Variants in GABRA2 observed in about 807,000 individuals in gnomAD.
GABRA2 encodes gamma-aminobutyric acid type A receptor subunit alpha2, also known as gamma-aminobutyric acid receptor subunit alpha-2.
A neutral mutation model predicts 48.7 loss-of-function variants in GABRA2; 16 were observed. The observed-to-expected ratio is 0.33, with a 90% confidence interval of 0.22 to 0.50. The LOEUF (loss-of-function observed/expected upper bound fraction) is 0.50, where lower values mean the gene tolerates loss of function less well. Among genes scored for constraint, GABRA2 ranks in the 20% least tolerant of loss-of-function variants. The pLI is 0.98. For missense variants in GABRA2, 275 were observed against 535.6 expected, an observed-to-expected ratio of 0.51 and a Z score of 4.80; for synonymous variants, 185 against 184.5, an observed-to-expected ratio of 1.00 and a Z score of -0.02.
Position 46,250,605 on chromosome 4 carries a change from C to T in GABRA2, c.1060-1G>A. On this transcript the variant is annotated splice_acceptor_variant, in intron 9 of 9. Transcript: ENST00000381620. LOFTEE classifies it high-confidence loss of function. ...TCATAACGGAAGCCTTTTCTTTTTT[C>T]TATTGAAAAATACAAAAATTAACAG... The T allele has an allele frequency of 6.3e-7, 1 of 1,580,298 alleles. No individual in the cohort carries two copies. Among genetic ancestry groups the T allele is most frequent in the Non-Finnish European group, 8.6e-7 (1 of 1,166,832 alleles).
At chr4:46,353,065 A>T (rs1243335455) in intron 3 of GABRA2, among the ~76,000 whole-genome samples, 1 of 152,164 alleles carries the variant, frequency 6.6e-6, no homozygotes, top group African/African-American at 2.4e-5. Flanking sequence ...AAGAAGTACA[A>T]GTGTGTTCAC....
At chr4:46,282,897 T>C (rs1370897227) in intron 8 of GABRA2, among the ~76,000 whole-genome samples, 1 of 152,166 alleles carries the variant, frequency 6.6e-6, no homozygotes, top group Non-Finnish European at 1.5e-5. Flanking sequence ...AACTACCTTA[T>C]AAGAAAGTTA....
At chr4:46,388,946 CT>C (rs1343151887) in intron 1 of GABRA2, 1 of 1,126,164 alleles carries the variant, frequency 8.9e-7, no homozygotes. Flanking sequence ...TTCTTTCTTT[CT>C]TTCTTTAACA....
chr4:46,376,694 C>T (rs924699007), intron 3 of GABRA2, among the ~76,000 whole-genome samples: 4 of 152,024 alleles, frequency 2.6e-5, no homozygotes, highest in Non-Finnish European at 4.4e-5. Flanking sequence ...CAAGACCAGA[C>T]ATAGTGAGAT....
In GABRA2 at chr4:46,350,188, C is replaced by T. The variant is rs560634940; in HGVS notation, c.188-17506G>A. ...TGAAATCCCATTCTCCTAATCACTA[C>T]AGTAATAAAATGCTAGTCACAAACA... On this transcript the variant is annotated intron_variant, in intron 3 of 9. Coordinates refer to ENST00000381620, the MANE Select transcript of GABRA2 (RefSeq NM_000807.4). 8.5e-4 allele frequency among the ~76,000 whole-genome samples: 129 copies of T among 151,958 alleles called. 1 individual carries two copies. Among genetic ancestry groups the T allele is most frequent in the African/African-American group, 3.1e-3 (127 of 41,512 alleles).
chr4:46,258,862 C>G (rs941626239), intron 9 of GABRA2, among the ~76,000 whole-genome samples: 3 of 151,682 alleles, frequency 2.0e-5, no homozygotes, highest in African/African-American at 7.2e-5. Context: ...TCTTCAGCTA[C>G]AAGATAGTAA....
intron 3 of GABRA2, among the ~76,000 whole-genome samples, chr4:46,345,347 G>A (rs569699033): frequency 2.0e-5 from 3 of 151,866 alleles, no homozygotes; most frequent in African/African-American, 4.8e-5. Flanking sequence ...GTGTCAGCTC[G>A]TTGTCCATAT....
chr4:46,374,475 G>A (rs574279214), intron 3 of GABRA2, among the ~76,000 whole-genome samples: 2 of 152,116 alleles, frequency 1.3e-5, no homozygotes, highest in South Asian at 2.1e-4. Flanking sequence ...TCTAAATAAC[G>A]TATTTTGTAA....
chr4:46,259,409 A>G (rs1186454005), intron 9 of GABRA2, among the ~76,000 whole-genome samples: 3 of 151,874 alleles, frequency 2.0e-5, no homozygotes, highest in African/African-American at 7.2e-5. Flanking sequence ...CCAAGCTCAC[A>G]GAGCAAGGTA....
At chr4:46,261,545 A>G (rs1716986718) in intron 9 of GABRA2, 1 of 291,982 alleles carries the variant, frequency 3.4e-6, no homozygotes, top group African/African-American at 2.1e-5. Context: ...GAGTTCAAGT[A>G]TACTTACTAA....
chr4:46,302,389 T>C (rs1196952519), intron 8 of GABRA2: 2 of 152,176 alleles, frequency 1.3e-5, no homozygotes, highest in Non-Finnish European at 2.9e-5. Flanking sequence ...CTAATATCTT[T>C]AATAATCTCA....
chr4:46,337,039 A>G (rs1219478349), intron 3 of GABRA2, among the ~76,000 whole-genome samples: 2 of 152,168 alleles, frequency 1.3e-5, no homozygotes, highest in Non-Finnish European at 2.9e-5. Context: ...AACAAAATTG[A>G]TGTTCAATTA....
In GABRA2 at chr4:46,305,613, G is replaced by A. The variant is rs374503271; in HGVS notation, c.658C>T (p.Leu220=). 4.3e-6 allele frequency: 7 copies of A among 1,613,752 alleles called. No individual in the cohort carries two copies. In the African/African-American group the frequency reaches 8.0e-5, roughly 18 times the overall value. Residue 220 remains leucine (L), a synonymous_variant, in exon 7 of 10, where the codon CTG becomes TTG. Coordinates refer to ENST00000381620, the MANE Select transcript of GABRA2 (RefSeq NM_000807.4). Reference sequence around the variant, plus strand: ...TCCTTTCCGATTGATTGGCCCAGCAGGTCATATTGATTTAACCTAGAGCCA... The same window carrying A: ...TCCTTTCCGATTGATTGGCCCAGCAAGTCATATTGATTTAACCTAGAGCCA... ...PDGSRLNQYD[L]LGQSIGKETI...
At chr4:46,276,621 G>A (rs1043828755) in intron 8 of GABRA2, among the ~76,000 whole-genome samples, 4 of 151,072 alleles carry the variant, frequency 2.6e-5, no homozygotes, top group African/African-American at 4.9e-5. Flanking sequence ...AAAAAAGAGC[G>A]TAGTTTGATG....
chr4:46,339,069 A>G (rs370679267), intron 3 of GABRA2, among the ~76,000 whole-genome samples: 2 of 152,022 alleles, frequency 1.3e-5, no homozygotes, highest in East Asian at 1.9e-4. Flanking sequence ...GAGTGAGTGA[A>G]TAAAGTTGTC....
chr4:46,344,256 T>G (rs1345824412), intron 3 of GABRA2, among the ~76,000 whole-genome samples: 1 of 151,886 alleles, frequency 6.6e-6, no homozygotes, highest in African/African-American at 2.4e-5. Flanking sequence ...TAGAGATTAG[T>G]GCTACAAAGG....
At chr4:46,304,812 G>A (rs1363648021) in intron 7 of GABRA2, among the ~76,000 whole-genome samples, 1 of 150,642 alleles carries the variant, frequency 6.6e-6, no homozygotes, top group Non-Finnish European at 1.5e-5. Context: ...TATAGTCCCA[G>A]CTACTCGGGA....
intron 8 of GABRA2, among the ~76,000 whole-genome samples, chr4:46,269,624 G>A (rs1358219028): frequency 6.6e-6 from 1 of 151,718 alleles, no homozygotes; most frequent in Non-Finnish European, 1.5e-5. Context: ...AAAAAAATCA[G>A]AAAAGAAACA....
At chr4:46,327,675 G>T (rs1730623515) in intron 4 of GABRA2, among the ~76,000 whole-genome samples, 1 of 151,914 alleles carries the variant, frequency 6.6e-6, no homozygotes, top group African/African-American at 2.4e-5. Context: ...ATTAACTACT[G>T]AACTAATTAA....
Sources: gnomAD v4.1 joint callset for allele counts (sites outside exome capture counted in the v4.1 genomes callset) on GRCh38, gnomAD v4.1.1 for gene constraint, MANE v1.5 for transcripts, NCBI Gene and HGNC (gene_info 2026-07-23, HGNC 2026-07-21) for gene names.